The following SCN7A variants were observed in gnomAD, a reference collection of about 807,000 sequenced individuals.
SCN7A encodes the protein sodium voltage-gated channel alpha subunit 7.
SCN7A carries 138 observed loss-of-function variants against 155.2 expected under a neutral mutation model. The ratio of observed to expected loss-of-function variants is 0.89; its 90% CI spans 0.77 to 1.02. SCN7A has a LOEUF of 1.02. SCN7A is among the 50% of genes least tolerant of loss of function. The pLI is 0.00. For synonymous variants in SCN7A, 693 were observed against 649.0 expected (o/e 1.07, Z -1.03); for missense variants, 2,058 against 1,986.6 (o/e 1.04, Z -0.68).
At chr2:166,418,295 T>TC in intron 20 of SCN7A, among the ~76,000 whole-genome samples, 5 of 141,356 alleles carry the variant, frequency 3.5e-5, no homozygotes, top group African/African-American at 1.3e-4. Flanking sequence ...TTTTTTTTTT[T>TC]TTTTTTTTTT....
chr2:166,444,003 T>C (rs1419714475), intron 13 of SCN7A, among the ~76,000 whole-genome samples: 1 of 152,200 alleles, frequency 6.6e-6, no homozygotes, highest in Non-Finnish European at 1.5e-5. Context: ...GATATGATAT[T>C]TAATTTTTCA....
chr2:166,417,190 C>T (rs191350463), intron 20 of SCN7A, among the ~76,000 whole-genome samples: 1 of 152,204 alleles, frequency 6.6e-6, no homozygotes. Flanking sequence ...ACACTCAAAT[C>T]AGGCTGGGCG....
chr2:166,416,336 T>G (rs1203230484), intron 21 of SCN7A, among the ~76,000 whole-genome samples: 1 of 152,168 alleles, frequency 6.6e-6, no homozygotes, highest in Non-Finnish European at 1.5e-5. Flanking sequence ...GCATGTGACC[T>G]ACTCCCTGTT....
Position 166,472,302 on chromosome 2 carries a change from T to C in SCN7A, c.572+15A>G. 6.4e-7 allele frequency: 1 copy of C among 1,573,050 alleles called. No individual in the cohort carries two copies. On this transcript the variant is annotated intron_variant, in intron 6 of 25. Coordinates refer to ENST00000643258, the MANE Select transcript of SCN7A (RefSeq NM_002976.4). ...GCAAAACATTAAAATAGACTCAATT[T>C]AAAGAAATACTCACTCAAACACAGT... is the stretch of plus-strand genomic sequence containing the variant.
chr2:166,465,798 T>A lies in SCN7A; in HGVS notation c.854A>T (p.Asn285Ile). 1.2e-6 allele frequency: 2 copies of A among 1,613,854 alleles called. No individual in the cohort carries two copies. The highest frequency in any genetic ancestry group is 2.2e-5 in the South Asian group (2 of 91,068). ...ATTCTTACCTCGAATATAATATGGG[T>A]TTCCAGTTCTGTTGTGCAGGGTTTC... ...ENETLHNRTG[N>I]PYYIRETENF... Residue 285 changes from asparagine (N) to isoleucine (I), a missense_variant, in exon 8 of 26, where the codon AAC (asparagine) becomes ATC (isoleucine). Transcript: ENST00000643258.
In SCN7A at chr2:166,410,327, A is replaced by G; in HGVS notation, c.3607-3T>C. ...ATAAAGATATTTGAGCCTCCCAGGTAAAGAAAGGAAAGAAAAATATATTAA... is the reference window on the plus strand; with the variant it reads ...ATAAAGATATTTGAGCCTCCCAGGTGAAGAAAGGAAAGAAAAATATATTAA... On this transcript the variant is annotated splice_polypyrimidine_tract_variant and splice_region_variant and intron_variant, in intron 23 of 25. Transcript: ENST00000643258. 2 of 1,518,678 alleles carry G rather than the reference A, an allele frequency of 1.3e-6. No individual in the cohort carries two copies. Among genetic ancestry groups the G allele is most frequent in the Non-Finnish European group, 1.8e-6 (2 of 1,129,336 alleles). The allele number at this position is 1,518,678 out of a possible 1,614,324, so 94.1% of individuals were successfully genotyped here.
rs1367529976 is a variant in SCN7A at position 166,404,566 on chromosome 2, T to C, written c.*1014A>G. On this transcript the variant is annotated 3_prime_UTR_variant, in exon 26 of 26. Transcript: ENST00000643258. ...AATTATAACATACAGTAAAAAGTAC[T>C]TTAAAGTTGCCACAACTTTCCAATT... The C allele has an allele frequency of 2.0e-5, 3 of 151,860 alleles. No individual in the cohort carries two copies. The highest frequency in any genetic ancestry group is 7.2e-5 in the African/African-American group (3 of 41,406). 9.4% of individuals were successfully genotyped at this position (151,860 alleles called of 1,614,324 possible). A position where few individuals can be genotyped will look rare whatever the true frequency, so the allele number is the denominator to read the frequency against.
intron 11 of SCN7A, among the ~76,000 whole-genome samples, chr2:166,450,187 T>C (rs777444771): frequency 2.0e-5 from 3 of 152,190 alleles, no homozygotes; most frequent in Non-Finnish European, 2.9e-5. Flanking sequence ...CTGGAGTCCA[T>C]TATCCTAAGC....
chr2:166,482,319 A>G (rs1229201090), intron 2 of SCN7A, among the ~76,000 whole-genome samples: 1 of 152,154 alleles, frequency 6.6e-6, no homozygotes, highest in African/African-American at 2.4e-5. Flanking sequence ...GCTGCCATCA[A>G]TGAAAATGGT....
In SCN7A at chr2:166,462,440, A is replaced by G. The variant is rs778274621; in HGVS notation, c.1032T>C (p.Phe344=). 1 of 1,611,066 alleles carries G rather than the reference A, an allele frequency of 6.2e-7. No individual in the cohort carries two copies. Among genetic ancestry groups the G allele is most frequent in the East Asian group, 2.2e-5 (1 of 44,814 alleles). ...CCTGAGCCATTAACCGAAATAGGGC[A>G]AATAAGGCCCAGCCAAAACTGTCAA... is the stretch of plus-strand genomic sequence containing the variant. The part of the protein sequence containing the change: ...TNFDSFGWAL[F]ALFRLMAQDY... The change falls in exon 10 of 26, where the codon TTT becomes TTC. Residue 344 remains phenylalanine, a synonymous_variant. Coordinates refer to ENST00000643258, the MANE Select transcript of SCN7A (RefSeq NM_002976.4).
chr2:166,420,093 A>G (rs1343638289), intron 20 of SCN7A, among the ~76,000 whole-genome samples: 2 of 152,020 alleles, frequency 1.3e-5, no homozygotes, highest in Non-Finnish European at 2.9e-5. Flanking sequence ...CACAATCATA[A>G]AAGTGAAATT....
chr2:166,491,256 C>A (rs1683096094), intron 1 of SCN7A, among the ~76,000 whole-genome samples: 1 of 152,120 alleles, frequency 6.6e-6, no homozygotes, highest in South Asian at 2.1e-4. Flanking sequence ...AGTGGGGCCC[C>A]AGCTTCTGCA....
At chr2:166,425,200 T>C (rs5024297) in intron 18 of SCN7A, among the ~76,000 whole-genome samples, 27,573 of 152,054 alleles carry the variant, frequency 0.18, 3,176 homozygotes, top group Non-Finnish European at 0.25. Context: ...AGGGTAGGTG[T>C]CTTTTAAAAA....
At chr2:166,464,815 C>T (rs1385597756) in intron 9 of SCN7A, among the ~76,000 whole-genome samples, 3 of 152,186 alleles carry the variant, frequency 2.0e-5, no homozygotes, top group African/African-American at 7.2e-5. Context: ...TTCTCACTAG[C>T]TCTGGAGCAC....
intron 2 of SCN7A, among the ~76,000 whole-genome samples, chr2:166,481,621 A>G (rs531742584): frequency 6.6e-6 from 1 of 152,180 alleles, no homozygotes; most frequent in Non-Finnish European, 1.5e-5. Flanking sequence ...TTGATAGAAG[A>G]TGCAGGAGGC....
rs756879650 is a variant in SCN7A at position 166,406,348 on chromosome 2, AAGAC to A, written c.4277_4280del (p.Cys1426PhefsTer59). The A allele has an allele frequency of 4.3e-6, 7 of 1,613,066 alleles. No homozygotes were observed. Among genetic ancestry groups the A allele is most frequent in the Admixed American group, 1.7e-5 (1 of 59,882 alleles). On this transcript the variant is annotated frameshift_variant, in exon 26 of 26. Transcript: ENST00000643258. LOFTEE classifies it high-confidence loss of function. ...AACCAGCAAATATTGCAACTTGAAAAAGACAGAGCATACTGTTGCCAAAGGTTTC... is the reference window on the plus strand; with the variant it reads ...AACCAGCAAATATTGCAACTTGAAAAAGAGCATACTGTTGCCAAAGGTTTC...
chr2:166,434,031 G>A (rs1701786192), intron 15 of SCN7A, among the ~76,000 whole-genome samples: 1 of 151,742 alleles, frequency 6.6e-6, no homozygotes, highest in Admixed American at 6.6e-5. Flanking sequence ...TGGATAATTA[G>A]GCTGACTATT....
chr2:166,470,691 G>A lies in SCN7A; in HGVS notation c.588C>T (p.Tyr196=). The A allele has an allele frequency of 1.2e-6, 2 of 1,607,662 alleles. No individual in the cohort carries two copies. The highest frequency in any genetic ancestry group is 1.7e-6 in the Non-Finnish European group (2 of 1,176,158). ...SVTVFEVIIR[Y]SPLDFIPTLQ... is the part of the protein sequence containing the mutation. ...GCGTTGGAATGAAGTCCAGAGGTGA[G>A]TATCTTATAATAACCCTGTGGAATT... is the stretch of plus-strand genomic sequence containing the variant. The change falls in exon 7 of 26, where the codon TAC becomes TAT. Residue 196 remains tyrosine (Y), a synonymous_variant. Transcript: ENST00000643258.
chr2:166,477,738 G>A, intron 2 of SCN7A, 28 bp from the exon 3 acceptor site: 3 of 1,382,130 alleles, frequency 2.2e-6, no homozygotes, highest in East Asian at 2.5e-5. Context: ...TTAAAGTTGG[G>A]TATACTAATA....
Sources: gnomAD v4.1 joint callset for allele counts (sites outside exome capture counted in the v4.1 genomes callset) on GRCh38, gnomAD v4.1.1 for gene constraint, MANE v1.5 for transcripts, NCBI Gene and HGNC (gene_info 2026-07-23, HGNC 2026-07-21) for gene names.